TSHZ3: variants seen among roughly 807,000 people sequenced by gnomAD.
TSHZ3 encodes the protein teashirt zinc finger homeobox 3.
TSHZ3 carries 10 observed loss-of-function variants against 64.5 expected under a neutral mutation model. That is an observed-to-expected ratio of 0.16 (90% CI 0.10 to 0.26). The LOEUF (loss-of-function observed/expected upper bound fraction) is 0.26. Among genes scored for constraint, TSHZ3 ranks in the 10% least tolerant of loss-of-function variants. The pLI is 1.00. For missense variants in TSHZ3, 1,242 were observed against 1,421.7 expected, an observed-to-expected ratio of 0.87 and a Z score of 2.03; for synonymous variants, 608 against 593.1, an observed-to-expected ratio of 1.03 and a Z score of -0.36.
chr19:31,324,024 C>T (rs1916859384), intron 1 of TSHZ3, among the ~76,000 whole-genome samples: 1 of 152,056 alleles, frequency 6.6e-6, no homozygotes. Context: ...GGGGCATCTT[C>T]ACAACCAAAA....
intron 1 of TSHZ3, among the ~76,000 whole-genome samples, chr19:31,255,213 C>T (rs1231836119): frequency 6.6e-6 from 1 of 152,096 alleles, no homozygotes; most frequent in Non-Finnish European, 1.5e-5. Flanking sequence ...CCCCCAAAAC[C>T]CCTCTGCAGT....
intron 4 of TSHZ3, among the ~76,000 whole-genome samples, chr19:31,214,042 T>G (rs1030658003): frequency 6.6e-6 from 1 of 152,236 alleles, no homozygotes; most frequent in Admixed American, 6.5e-5. Context: ...CCATCACTGC[T>G]AGAAAGGACG....
At chr19:31,226,973 C>CTTTTTTTTTT (rs1255178594) in intron 4 of TSHZ3, among the ~76,000 whole-genome samples, 18 of 68,132 alleles carry the variant, frequency 2.6e-4, no homozygotes, top group African/African-American at 1.3e-3. Flanking sequence ...TTCTTTCTTT[C>CTTTTTTTTTT]TTTCTTTTTT....
intron 5 of TSHZ3, among the ~76,000 whole-genome samples, chr19:31,192,867 A>T (rs1046640312): frequency 2.6e-5 from 4 of 152,172 alleles, no homozygotes; most frequent in Non-Finnish European, 4.4e-5. Flanking sequence ...TTTTAGGATG[A>T]CTCCTTTTTG....
chr19:31,287,961 G>T (rs1976492981), intron 1 of TSHZ3, among the ~76,000 whole-genome samples: 1 of 151,934 alleles, frequency 6.6e-6, no homozygotes, highest in East Asian at 1.9e-4. Context: ...TTGAGACAGG[G>T]TTATGCTCTG....
intron 1 of TSHZ3, among the ~76,000 whole-genome samples, chr19:31,253,663 C>A (rs1030693576): frequency 7.2e-5 from 11 of 152,040 alleles, no homozygotes; most frequent in African/African-American, 2.4e-4. Context: ...CACCCAGCTG[C>A]AAAATGATCA....
chr19:31,172,565 G>A (rs1974550071), intron 5 of TSHZ3, among the ~76,000 whole-genome samples: 1 of 152,162 alleles, frequency 6.6e-6, no homozygotes, highest in South Asian at 2.1e-4. Context: ...CGCCAACAGT[G>A]AACAAAACTG....
intron 1 of TSHZ3, among the ~76,000 whole-genome samples, chr19:31,300,502 C>T (rs1599634891): frequency 6.6e-6 from 1 of 152,152 alleles, no homozygotes; most frequent in African/African-American, 2.4e-5. Context: ...AAAAACCAAC[C>T]TAGCTTGGAA....
At chr19:31,257,227 AG>A (rs1207408338) in intron 1 of TSHZ3, among the ~76,000 whole-genome samples, 2 of 152,158 alleles carry the variant, frequency 1.3e-5, no homozygotes, top group African/African-American at 2.4e-5. Context: ...CAGGGTGGCG[AG>A]GGAGCAGGAC....
At chr19:31,184,967 C>T (rs4805646) in intron 5 of TSHZ3, among the ~76,000 whole-genome samples, 106,583 of 152,088 alleles carry the variant, frequency 0.7, 37,618 homozygotes, top group African/African-American at 0.79. Flanking sequence ...AGGAAGATTG[C>T]TCAGTTACAA....
rs144440051 is a variant in TSHZ3, at chr19:31,333,948, G to A, written c.40+15232C>T. ...ATACTCCACTTCTTTCACAAGGAGC[G>A]TGTACGTGTGTTTCCAAATAATACC... On this transcript the variant is annotated intron_variant, in intron 1 of 1. Coordinates refer to ENST00000240587, the MANE Select transcript of TSHZ3 (RefSeq NM_020856.4). Among the ~76,000 whole-genome samples the A allele has an allele frequency of 1.6e-3, 242 of 152,306 alleles. 7 individuals are homozygous for A. In the South Asian group the frequency reaches 0.048, roughly 30 times the overall value.
At chr19:31,230,693 T>A (rs1339871065) in intron 3 of TSHZ3, among the ~76,000 whole-genome samples, 1 of 110,090 alleles carries the variant, frequency 9.1e-6, no homozygotes, top group Non-Finnish European at 1.8e-5. Context: ...CCATCACTGC[T>A]TTTTTTTTTT....
intron 5 of TSHZ3, among the ~76,000 whole-genome samples, chr19:31,199,129 C>T (rs1180774437): frequency 2.6e-5 from 4 of 151,992 alleles, no homozygotes; most frequent in African/African-American, 9.7e-5. Context: ...GTCAGGGCCA[C>T]GCACGGTGAC....
At chr19:31,164,552 G>A (rs776662050) in intron 5 of TSHZ3, among the ~76,000 whole-genome samples, 3 of 152,182 alleles carry the variant, frequency 2.0e-5, no homozygotes, top group Admixed American at 6.5e-5. Flanking sequence ...GAATGAAGGA[G>A]CACTGTGCTA....
At chr19:31,315,195 C>A (rs1009843842) in intron 1 of TSHZ3, among the ~76,000 whole-genome samples, 1 of 152,240 alleles carries the variant, frequency 6.6e-6, no homozygotes. Context: ...TATGACCAAT[C>A]CAACTTTCCT....
chr19:31,243,086 G>A (rs1362076486), intron 1 of TSHZ3, among the ~76,000 whole-genome samples: 1 of 152,140 alleles, frequency 6.6e-6, no homozygotes, highest in African/African-American at 2.4e-5. Flanking sequence ...ATCCAGTCAA[G>A]TTGATGCCTA....
intron 5 of TSHZ3, among the ~76,000 whole-genome samples, chr19:31,181,169 G>T (rs1805424750): frequency 6.6e-6 from 1 of 151,992 alleles, no homozygotes. Flanking sequence ...GAATCAAGCA[G>T]AACAGCACCA....
chr19:31,169,467 G>A (rs1974504835), intron 5 of TSHZ3, among the ~76,000 whole-genome samples: 1 of 152,188 alleles, frequency 6.6e-6, no homozygotes, highest in Admixed American at 6.5e-5. Context: ...GGGGAATGGA[G>A]AATTACTGTT....
chr19:31,265,644 G>C (rs1420996671), intron 1 of TSHZ3, among the ~76,000 whole-genome samples: 1 of 152,082 alleles, frequency 6.6e-6, no homozygotes, highest in Non-Finnish European at 1.5e-5. Context: ...TTGCATCCCG[G>C]ACTGGAACCC....
Sources: gnomAD v4.1 joint callset for allele counts (sites outside exome capture counted in the v4.1 genomes callset) on GRCh38, gnomAD v4.1.1 for gene constraint, MANE v1.5 for transcripts, NCBI Gene and HGNC (gene_info 2026-07-23, HGNC 2026-07-21) for gene names.